The following DCC variants were observed in gnomAD, a reference collection of about 807,000 sequenced individuals.
The protein encoded by DCC is DCC netrin 1 receptor.
A neutral mutation model predicts 172.5 loss-of-function variants in DCC; 58 were observed. The ratio of observed to expected loss-of-function variants is 0.34; its 90% CI spans 0.27 to 0.42. The LOEUF is 0.42. Among genes scored for constraint, DCC ranks in the 10% least tolerant of loss-of-function variants. The probability of loss-of-function intolerance (pLI) is 1.00; values close to 1 mark genes in which losing one functional copy is unlikely to be tolerated. For missense variants in DCC, 1,740 were observed against 1,791.0 expected, an observed-to-expected ratio of 0.97 and a Z score of 0.51; for synonymous variants, 709 against 644.5, an observed-to-expected ratio of 1.10 and a Z score of -1.52.
intron 24 of DCC, among the ~76,000 whole-genome samples, chr18:53,461,710 T>C (rs1301078540): frequency 1.3e-5 from 2 of 152,218 alleles, no homozygotes; most frequent in African/African-American, 2.4e-5. Context: ...CTGTCAACCA[T>C]GGATTGTTGA....
At chr18:52,922,298 A>C (rs2145483469) in intron 3 of DCC, among the ~76,000 whole-genome samples, 1 of 152,290 alleles carries the variant, frequency 6.6e-6, no homozygotes, top group Non-Finnish European at 1.5e-5. Context: ...TGTCTCAACT[A>C]CTAGCTTGAG....
chr18:52,720,279 C>G (rs528431169), intron 1 of DCC, among the ~76,000 whole-genome samples: 1 of 152,224 alleles, frequency 6.6e-6, no homozygotes, highest in East Asian at 1.9e-4. Flanking sequence ...TTTCAAGTAG[C>G]TCTTATCTAA....
chr18:52,609,467 G>C (rs1447973917), intron 1 of DCC, among the ~76,000 whole-genome samples: 2 of 151,978 alleles, frequency 1.3e-5, no homozygotes, highest in Non-Finnish European at 2.9e-5. Flanking sequence ...GCATCCTAAG[G>C]CTTGGCTGTA....
intron 1 of DCC, among the ~76,000 whole-genome samples, chr18:52,486,438 A>T (rs1232946876): frequency 3.9e-5 from 6 of 152,290 alleles, no homozygotes; most frequent in African/African-American, 1.4e-4. Flanking sequence ...AACTGATTTC[A>T]CAAAATAGAA....
intron 2 of DCC, among the ~76,000 whole-genome samples, chr18:52,881,494 T>C (rs1310782769): frequency 1.3e-5 from 2 of 152,218 alleles, no homozygotes; most frequent in Non-Finnish European, 2.9e-5. Flanking sequence ...GTCTTACATT[T>C]AAGTCTTTAA....
intron 1 of DCC, among the ~76,000 whole-genome samples, chr18:52,705,084 A>C (rs964090083): frequency 1.3e-5 from 2 of 152,182 alleles, no homozygotes; most frequent in African/African-American, 4.8e-5. Flanking sequence ...GAAGTATGTT[A>C]TGCAAAGCAT....
chr18:52,998,281 G>T (rs541194819), intron 5 of DCC, among the ~76,000 whole-genome samples: 1 of 152,026 alleles, frequency 6.6e-6, no homozygotes, highest in Admixed American at 6.6e-5. Context: ...TTCTCTCCCT[G>T]ATCTCTCCAT....
At chr18:53,114,387 C>T (rs2043380107) in intron 7 of DCC, among the ~76,000 whole-genome samples, 1 of 151,622 alleles carries the variant, frequency 6.6e-6, no homozygotes. Context: ...AATGCACTCT[C>T]CTGAGTATCA....
chr18:52,900,629 T>A (rs1467798118), intron 2 of DCC, among the ~76,000 whole-genome samples: 6 of 152,238 alleles, frequency 3.9e-5, no homozygotes. Flanking sequence ...TGTGTCTGAC[T>A]TTTCCATATG....
At chr18:52,542,048 C>T (rs538614478) in intron 1 of DCC, among the ~76,000 whole-genome samples, 3 of 148,312 alleles carry the variant, frequency 2.0e-5, no homozygotes, top group African/African-American at 7.4e-5. Context: ...ATTTATAATA[C>T]AGCTGTCCCT....
chr18:52,539,831 A>G (rs891613616), intron 1 of DCC, among the ~76,000 whole-genome samples: 3 of 152,228 alleles, frequency 2.0e-5, no homozygotes, highest in African/African-American at 7.2e-5. Context: ...CAATTTAGCC[A>G]TTCCACAAAA....
At chr18:53,023,417 A>AAGATTCTTCTCATGCAGCCC (rs2041912263) in intron 5 of DCC, among the ~76,000 whole-genome samples, 1 of 148,042 alleles carries the variant, frequency 6.8e-6, no homozygotes, top group East Asian at 1.9e-4. Context: ...AAAAAAAAAA[A>AAGATTCTTCTCATGCAGCCC]AAAAAAAAAA....
At chr18:52,685,766 C>G (rs2035821313) in intron 1 of DCC, among the ~76,000 whole-genome samples, 1 of 152,060 alleles carries the variant, frequency 6.6e-6, no homozygotes, top group Non-Finnish European at 1.5e-5. Context: ...ATTTTCAAAT[C>G]ACGATCTGAT....
At chr18:52,739,512 C>G (rs956659692) in intron 1 of DCC, among the ~76,000 whole-genome samples, 1 of 152,212 alleles carries the variant, frequency 6.6e-6, no homozygotes, top group East Asian at 1.9e-4. Flanking sequence ...ACAGGAAGAT[C>G]AGAGCCACAA....
At chr18:52,898,798 G>T (rs1205518787) in intron 2 of DCC, among the ~76,000 whole-genome samples, 1 of 151,874 alleles carries the variant, frequency 6.6e-6, no homozygotes, top group Non-Finnish European at 1.5e-5. Context: ...GCAAATATTT[G>T]GGTTGTGCCT....
At chr18:52,892,004 A>G (rs1813464582) in intron 2 of DCC, among the ~76,000 whole-genome samples, 1 of 152,118 alleles carries the variant, frequency 6.6e-6, no homozygotes, top group Admixed American at 6.6e-5. Context: ...TGTGGTTGAA[A>G]TAAAATGCAG....
chr18:53,287,442 T>C (rs1388133719), intron 12 of DCC, among the ~76,000 whole-genome samples: 1 of 152,218 alleles, frequency 6.6e-6, no homozygotes, highest in Non-Finnish European at 1.5e-5. Context: ...AATGCTGCTA[T>C]GAACATTTGT....
chr18:52,977,884 CA>C (rs1348740664), intron 5 of DCC, among the ~76,000 whole-genome samples: 60 of 100,010 alleles, frequency 6.0e-4, no homozygotes, highest in Admixed American at 9.0e-4. Context: ...GACTCCATCT[CA>C]AAAAAAAAAA....
chr18:53,073,818 G>A (rs1177050710), intron 7 of DCC, among the ~76,000 whole-genome samples: 1 of 151,490 alleles, frequency 6.6e-6, no homozygotes, highest in Non-Finnish European at 1.5e-5. Flanking sequence ...TTTTATATCT[G>A]TTTTCATGAG....
Sources: allele counts gnomAD v4.1 joint callset (sites outside exome capture counted in the v4.1 genomes callset), GRCh38; gene constraint gnomAD v4.1.1; transcripts MANE v1.5; gene names NCBI Gene and HGNC (gene_info 2026-07-23, HGNC 2026-07-21).